ANP32A: variants seen among roughly 807,000 people sequenced by gnomAD.
The protein encoded by ANP32A is acidic nuclear phosphoprotein 32 family member A.
Under a neutral mutation model 33.9 loss-of-function variants are expected in ANP32A, and 1 was observed. The ratio of observed to expected loss-of-function variants is 0.03; its 90% CI spans 0.01 to 0.14. The LOEUF is 0.14. ANP32A is among the 10% of genes least tolerant of loss of function. The pLI is 1.00. For synonymous variants in ANP32A, 115 were observed against 120.5 expected (o/e 0.95, Z 0.30); for missense variants, 155 against 306.0 (o/e 0.51, Z 3.68).
At chr15:68,816,224 G>A (rs1174248302) in intron 1 of ANP32A, among the ~76,000 whole-genome samples, 2 of 151,994 alleles carry the variant, frequency 1.3e-5, no homozygotes, top group Non-Finnish European at 2.9e-5. Context: ...TCCAAAGCTG[G>A]AGAAGAAAAA....
chr15:68,780,835 C>T lies in ANP32A; in HGVS notation c.625-362G>A, dbSNP rs925675371. On this transcript the variant is annotated intron_variant, in intron 5 of 6. Transcript: ENST00000465139. This position sits in a 1 kb window ranked among gnomAD's most constrained non-coding sequence, Gnocchi z 4.3. ...ACATTCTCTGAGGAGAACAAGTTCCCGAGCAGACTCCCTGACGTGCAAAGT... is the reference window on the plus strand; with the variant it reads ...ACATTCTCTGAGGAGAACAAGTTCCTGAGCAGACTCCCTGACGTGCAAAGT... 2.1e-5 allele frequency: 4 copies of T among 186,398 alleles called. No individual in the cohort carries two copies. Among genetic ancestry groups the T allele is most frequent in the South Asian group, 1.2e-4 (1 of 8,164 alleles). The allele number at this position is 186,398 out of a possible 1,614,324, so 11.5% of individuals were successfully genotyped here. A position where few individuals can be genotyped will look rare whatever the true frequency, so the allele number is the denominator to read the frequency against.
rs754902966 is a variant in ANP32A, at chr15:68,820,678, T to G, written c.54+20A>C. ...AAGTAGGAGAATGGACCGACAGAGA[T>G]ATTTTTGGCAAATGCTCACATCAGA... On this transcript the variant is annotated intron_variant, in intron 1 of 6. Transcript: ENST00000465139. 43 of 1,449,940 alleles carry G rather than the reference T, an allele frequency of 3.0e-5. No individual in the cohort carries two copies. The highest frequency in any genetic ancestry group is 6.6e-5 in the East Asian group (2 of 30,240). The allele number at this position is 1,449,940 out of a possible 1,614,324, so 89.8% of individuals were successfully genotyped here.
In ANP32A at chr15:68,779,908, CGCCATCCCT is replaced by C; in HGVS notation, c.*164_*172del. The stretch of plus-strand genomic sequence containing the variant: ...AATAGTATTTTATTCCACCCCCACC[CGCCATCCCT>C]CCCCCCGCAACCCCCAGTACACTCT... On this transcript the variant is annotated 3_prime_UTR_variant, in exon 7 of 7. Transcript: ENST00000465139. 1.4e-5 allele frequency: 7 copies of C among 494,922 alleles called. No individual in the cohort carries two copies. Among genetic ancestry groups the C allele is most frequent in the East Asian group, 3.5e-5 (1 of 28,710 alleles). The allele number at this position is 494,922 out of a possible 1,614,324, so 30.7% of individuals were successfully genotyped here.
rs79101246 is a variant in ANP32A, at chr15:68,782,841, C to G, written c.624+115G>C. ...GAAATGGACTCACTTCACTACCCAT[C>G]GGGGAGCGACTTTCCTAACCAGGGC... On this transcript the variant is annotated intron_variant, in intron 5 of 6. Coordinates refer to ENST00000465139, the MANE Select transcript of ANP32A (RefSeq NM_006305.4). The G allele has an allele frequency of 4.3e-3, 6,418 of 1,485,578 alleles. 203 individuals carry two copies. In the African/African-American group the frequency reaches 0.071, roughly 16 times the overall value. The allele number at this position is 1,485,578 out of a possible 1,614,324, so 92.0% of individuals were successfully genotyped here. A position where few individuals can be genotyped will look rare whatever the true frequency, so the allele number is the denominator to read the frequency against.
chr15:68,794,991 T>C (rs1236489338), intron 1 of ANP32A, among the ~76,000 whole-genome samples: 1 of 152,078 alleles, frequency 6.6e-6, no homozygotes, highest in East Asian at 1.9e-4. Context: ...CTGGTGTAGG[T>C]CAGTTCTCTT....
At chr15:68,800,432 CT>C (rs1461667307) in intron 1 of ANP32A, among the ~76,000 whole-genome samples, 1 of 135,572 alleles carries the variant, frequency 7.4e-6, no homozygotes, top group Non-Finnish European at 1.7e-5. Context: ...TGTATGAATG[CT>C]GCAAAGAAAA....
At chr15:68,803,049 T>C (rs1894160384) in intron 1 of ANP32A, among the ~76,000 whole-genome samples, 1 of 152,110 alleles carries the variant, frequency 6.6e-6, no homozygotes, top group South Asian at 2.1e-4. Flanking sequence ...CACCAGGTGC[T>C]GAGGGTACAA....
At chr15:68,818,617 C>T (rs1398441042) in intron 1 of ANP32A, among the ~76,000 whole-genome samples, 6 of 146,616 alleles carry the variant, frequency 4.1e-5, no homozygotes, top group Non-Finnish European at 1.5e-5. Context: ...GCTCCCCTCC[C>T]CAACACACAC....
chr15:68,797,934 G>A (rs1894084475), intron 1 of ANP32A, among the ~76,000 whole-genome samples: 1 of 152,220 alleles, frequency 6.6e-6, no homozygotes, highest in East Asian at 1.9e-4. Flanking sequence ...CTAGGGGAGG[G>A]GTGGGGTGTG....
At chr15:68,797,840 T>G (rs1313565347) in intron 1 of ANP32A, among the ~76,000 whole-genome samples, 1 of 152,062 alleles carries the variant, frequency 6.6e-6, no homozygotes, top group Non-Finnish European at 1.5e-5. Context: ...ACAGCCTTGC[T>G]AAGGTCTGAG....
At chr15:68,807,426 AC>A (rs373458244) in intron 1 of ANP32A, among the ~76,000 whole-genome samples, 8,104 of 33,022 alleles carry the variant, frequency 0.25, 737 homozygotes, top group African/African-American at 0.32. Context: ...TCCACAGAAA[AC>A]GGGGGGGGGG....
intron 1 of ANP32A, among the ~76,000 whole-genome samples, chr15:68,811,397 G>C (rs1434606555): frequency 2.0e-5 from 3 of 152,186 alleles, no homozygotes; most frequent in African/African-American, 7.2e-5. Context: ...GGATGGACAA[G>C]ACAAGAAGAC....
At chr15:68,781,283 T>G (rs532359753) in intron 5 of ANP32A, 4 of 152,178 alleles carry the variant, frequency 2.6e-5, no homozygotes, top group African/African-American at 7.2e-5. Context: ...TTTTTTTGCA[T>G]GTATAAGCTC....
chr15:68,818,437 G>A (rs1280202728), intron 1 of ANP32A: 1 of 154,734 alleles, frequency 6.5e-6, no homozygotes. Context: ...CAACCCTTTT[G>A]TCCCTCTTTC....
intron 1 of ANP32A, among the ~76,000 whole-genome samples, chr15:68,819,333 A>G (rs940519520): frequency 6.6e-5 from 10 of 152,202 alleles, no homozygotes; most frequent in South Asian, 2.1e-4. Flanking sequence ...CTCAGGTTTG[A>G]AAGCGAGAGG....
intron 1 of ANP32A, among the ~76,000 whole-genome samples, chr15:68,815,776 C>G (rs1165483051): frequency 1.3e-5 from 2 of 152,204 alleles, no homozygotes; most frequent in African/African-American, 4.8e-5. Context: ...ACCAGTTGCT[C>G]AACCTCTCCA....
Position 68,780,291 on chromosome 15 carries a change from A to G in ANP32A, c.688+119T>C. ...AGACATCTGCACAGCTGGAAGGGGAATCTGAGGCCTCTGACAGGAGTGTCC... is the reference window on the plus strand; with the variant it reads ...AGACATCTGCACAGCTGGAAGGGGAGTCTGAGGCCTCTGACAGGAGTGTCC... On this transcript the variant is annotated intron_variant, in intron 6 of 6. Coordinates refer to ENST00000465139, the MANE Select transcript of ANP32A (RefSeq NM_006305.4). The surrounding 1 kb of genome is among the most constrained non-coding windows in gnomAD (Gnocchi z 4.3). 6.4e-7 allele frequency: 1 copy of G among 1,570,336 alleles called. No homozygotes were observed. Among genetic ancestry groups the G allele is most frequent in the African/African-American group, 1.4e-5 (1 of 73,652 alleles).
intron 1 of ANP32A, among the ~76,000 whole-genome samples, chr15:68,809,280 A>T (rs2140372295): frequency 6.6e-6 from 1 of 152,268 alleles, no homozygotes. Flanking sequence ...CTCATCACAC[A>T]CTAGAGCTGG....
chr15:68,787,852 A>G lies in ANP32A; in HGVS notation c.122T>C (p.Phe41Ser). ...TGTACTTAAGAATTCCAGTTCTTCA[A>G]ATTCATCTGTGAGGCCTTCGAGTTT... ...EGKLEGLTDE[F>S]EELEFLSTIN... The change falls in exon 2 of 7, where the codon TTT (phenylalanine) becomes TCT (serine). Residue 41 changes from phenylalanine (F) to serine (S), a missense_variant. By Grantham distance (155) the Phe-to-Ser change is radical. Transcript: ENST00000465139. 6.2e-7 allele frequency: 1 copy of G among 1,614,124 alleles called. No individual in the cohort carries two copies. The highest frequency in any genetic ancestry group is 8.5e-7 in the Non-Finnish European group (1 of 1,180,020).
Sources: gnomAD v4.1 joint callset for allele counts (sites outside exome capture counted in the v4.1 genomes callset) on GRCh38, gnomAD v4.1.1 for gene constraint, Gnocchi (gnomAD v3.1) non-coding constraint, MANE v1.5 for transcripts, NCBI Gene and HGNC (gene_info 2026-07-23, HGNC 2026-07-21) for gene names.